DAB1: variants seen among roughly 807,000 people sequenced by gnomAD.
DAB1 encodes the protein DAB adaptor protein 1, also known as disabled homolog 1.
A neutral mutation model predicts 64.6 loss-of-function variants in DAB1; 15 were observed. The ratio of observed to expected loss-of-function variants is 0.23; its 90% CI spans 0.16 to 0.36. The LOEUF (loss-of-function observed/expected upper bound fraction) is 0.36, where lower values mean the gene tolerates loss of function less well. Among genes scored for constraint, DAB1 ranks in the 10% least tolerant of loss-of-function variants. The pLI is 1.00. For synonymous variants in DAB1, 235 were observed against 251.9 expected (o/e 0.93, Z 0.64); for missense variants, 596 against 706.7 (o/e 0.84, Z 1.78).
At chr1:58,540,535 T>C (rs546315830) in intron 1 of DAB1, among the ~76,000 whole-genome samples, 1 of 151,320 alleles carries the variant, frequency 6.6e-6, no homozygotes, top group African/African-American at 2.4e-5. Context: ...TATGTAGAGA[T>C]ATGTAATATA....
At chr1:57,620,536 C>T (rs1645844773) in intron 7 of DAB1, among the ~76,000 whole-genome samples, 2 of 152,140 alleles carry the variant, frequency 1.3e-5, no homozygotes, top group Non-Finnish European at 2.9e-5. Flanking sequence ...GGGATAAACC[C>T]GCAGATACAA....
chr1:57,620,107 C>T (rs1385683104), intron 7 of DAB1, among the ~76,000 whole-genome samples: 4 of 152,138 alleles, frequency 2.6e-5, no homozygotes, highest in Admixed American at 6.5e-5. Flanking sequence ...AGCAGGCTTG[C>T]GGGCTTGTTT....
intron 5 of DAB1, among the ~76,000 whole-genome samples, chr1:57,912,006 A>C (rs1365054010): frequency 6.6e-6 from 1 of 152,146 alleles, no homozygotes; most frequent in African/African-American, 2.4e-5. Flanking sequence ...TCCCAACTGG[A>C]CCCTGACTGA....
chr1:57,653,269 A>G (rs1029427466), intron 6 of DAB1, among the ~76,000 whole-genome samples: 1 of 152,208 alleles, frequency 6.6e-6, no homozygotes, highest in African/African-American at 2.4e-5. Flanking sequence ...CTGTTCTAAT[A>G]CATAGTTGTA....
intron 4 of DAB1, among the ~76,000 whole-genome samples, chr1:58,200,295 C>G (rs916118277): frequency 1.3e-5 from 2 of 152,128 alleles, no homozygotes; most frequent in Non-Finnish European, 2.9e-5. Flanking sequence ...CCCAAGGTCA[C>G]CCAGATAAAT....
intron 4 of DAB1, among the ~76,000 whole-genome samples, chr1:58,209,847 A>T (rs2100289225): frequency 6.6e-6 from 1 of 152,320 alleles, no homozygotes; most frequent in Admixed American, 6.5e-5. Context: ...TAAAAAATTG[A>T]TATGCAGACA....
At chr1:57,676,747 C>T (rs1646571613) in intron 6 of DAB1, among the ~76,000 whole-genome samples, 1 of 152,172 alleles carries the variant, frequency 6.6e-6, no homozygotes, top group Admixed American at 6.5e-5. Context: ...TCCAAATATG[C>T]CATGCCTTTC....
intron 7 of DAB1, among the ~76,000 whole-genome samples, chr1:57,591,963 A>G (rs933088410): frequency 2.0e-5 from 3 of 152,102 alleles, no homozygotes; most frequent in African/African-American, 7.2e-5. Context: ...CTACAAATAC[A>G]CTCTGTGATG....
intron 4 of DAB1, 99 bp downstream of exon 4, chr1:57,136,444 T>G: frequency 1.7e-6 from 1 of 602,436 alleles, no homozygotes; most frequent in Non-Finnish European, 2.7e-6. Context: ...TTATGTGTTT[T>G]TATGCTTGTT....
chr1:57,198,689 A>ACACC (rs1228335383), intron 2 of DAB1, among the ~76,000 whole-genome samples: 8,260 of 147,960 alleles, frequency 0.056, 276 homozygotes, highest in Middle Eastern at 0.12. Flanking sequence ...ACACACACAC[A>ACACC]CCCATCAACT....
At chr1:57,461,243 T>A (rs1686769669) in intron 7 of DAB1, among the ~76,000 whole-genome samples, 2 of 152,212 alleles carry the variant, frequency 1.3e-5, no homozygotes, top group South Asian at 4.1e-4. Flanking sequence ...CTCTCAGCAC[T>A]TCTGCACTGG....
At chr1:57,101,513 T>A (rs1429125790) in intron 4 of DAB1, among the ~76,000 whole-genome samples, 1 of 152,192 alleles carries the variant, frequency 6.6e-6, no homozygotes, top group Non-Finnish European at 1.5e-5. Context: ...CTGAACCAAA[T>A]CCAATCATCT....
intron 2 of DAB1, among the ~76,000 whole-genome samples, chr1:57,246,834 T>C (rs570477025): frequency 1.3e-5 from 2 of 152,352 alleles, no homozygotes; most frequent in East Asian, 3.9e-4. Context: ...GGAGATTATT[T>C]TGAACCTTTA....
intron 7 of DAB1, among the ~76,000 whole-genome samples, chr1:57,476,523 T>C (rs898766959): frequency 7.2e-5 from 11 of 152,270 alleles, no homozygotes; most frequent in Admixed American, 7.2e-4. Flanking sequence ...GATAAATCTG[T>C]TTCTTCATCT....
At chr1:58,160,777 C>T (rs1371659623) in intron 4 of DAB1, among the ~76,000 whole-genome samples, 1 of 152,120 alleles carries the variant, frequency 6.6e-6, no homozygotes, top group African/African-American at 2.4e-5. Context: ...AAGGAAAAAG[C>T]CTCTTTACAA....
intron 5 of DAB1, among the ~76,000 whole-genome samples, chr1:58,056,885 G>C (rs12037479): frequency 2.6e-5 from 4 of 151,838 alleles, no homozygotes; most frequent in African/African-American, 9.7e-5. Flanking sequence ...CCTAGTCTTG[G>C]TTCCAGTACC....
chr1:57,645,251 C>T (rs1296701509), intron 7 of DAB1, among the ~76,000 whole-genome samples: 1 of 152,170 alleles, frequency 6.6e-6, no homozygotes, highest in Non-Finnish European at 1.5e-5. Flanking sequence ...TATTACAAAG[C>T]TACCATGCTA....
intron 2 of DAB1, among the ~76,000 whole-genome samples, chr1:57,268,724 C>A (rs1159868881): frequency 2.0e-5 from 3 of 152,160 alleles, no homozygotes; most frequent in African/African-American, 7.2e-5. Context: ...ATTCTAAAAT[C>A]CCAATTTTAT....
At chr1:57,008,991 C>T (rs1646181308) in intron 14 of DAB1, among the ~76,000 whole-genome samples, 1 of 152,194 alleles carries the variant, frequency 6.6e-6, no homozygotes, top group South Asian at 2.1e-4. Context: ...CAGACCAAAG[C>T]CCCATGAAAC....
Sources: gnomAD v4.1 joint callset for allele counts (sites outside exome capture counted in the v4.1 genomes callset) on GRCh38, gnomAD v4.1.1 for gene constraint, MANE v1.5 for transcripts, NCBI Gene and HGNC (gene_info 2026-07-23, HGNC 2026-07-21) for gene names.